The following DLG2 variants were observed in gnomAD, a reference collection of about 807,000 sequenced individuals.
DLG2 encodes discs large MAGUK scaffold protein 2, also known as disks large homolog 2.
In DLG2, 45 loss-of-function variants were observed where a neutral mutation model predicts 132.5. The ratio of observed to expected loss-of-function variants is 0.34; its 90% CI spans 0.27 to 0.44. DLG2 has a LOEUF of 0.44. Among genes scored for constraint, DLG2 ranks in the 20% least tolerant of loss-of-function variants. The pLI is 1.00. For synonymous variants in DLG2, 424 were observed against 419.6 expected (o/e 1.01, Z -0.13); for missense variants, 1,045 against 1,196.9 (o/e 0.87, Z 1.87).
intron 19 of DLG2, among the ~76,000 whole-genome samples, chr11:83,572,771 T>C (rs930972399): frequency 3.3e-5 from 5 of 152,190 alleles, no homozygotes; most frequent in African/African-American, 1.2e-4. Flanking sequence ...CACTCTTTGT[T>C]GGATGGGTCT....
At chr11:84,763,180 C>T (rs909818330) in intron 6 of DLG2, 45 of 152,104 alleles carry the variant, frequency 3.0e-4, no homozygotes, top group African/African-American at 1.1e-3. Context: ...CATAGGAGCT[C>T]GACAGCATTT....
intron 6 of DLG2, among the ~76,000 whole-genome samples, chr11:84,615,030 G>C (rs2099601476): frequency 4.6e-5 from 7 of 152,148 alleles, no homozygotes; most frequent in Admixed American, 4.6e-4. Flanking sequence ...CCTCAGCCAA[G>C]CATTCAAGCA....
intron 3 of DLG2, among the ~76,000 whole-genome samples, chr11:85,444,965 C>G (rs1245250498): frequency 2.0e-5 from 3 of 151,778 alleles, no homozygotes; most frequent in Admixed American, 2.0e-4. Flanking sequence ...AAAATATAAC[C>G]ATGAGAATAA....
intron 6 of DLG2, among the ~76,000 whole-genome samples, chr11:84,850,716 C>A (rs925419563): frequency 2.6e-5 from 4 of 152,032 alleles, no homozygotes; most frequent in Non-Finnish European, 5.9e-5. Context: ...GCAAGATGAA[C>A]ATACAAAAAT....
At chr11:84,241,857 G>T (rs1477162204) in intron 8 of DLG2, among the ~76,000 whole-genome samples, 1 of 152,084 alleles carries the variant, frequency 6.6e-6, no homozygotes, top group Non-Finnish European at 1.5e-5. Flanking sequence ...AAATTTTTTG[G>T]TTCCACTCTC....
chr11:84,650,781 T>A (rs556856458), intron 6 of DLG2, among the ~76,000 whole-genome samples: 1 of 149,904 alleles, frequency 6.7e-6, no homozygotes, highest in Admixed American at 6.7e-5. Flanking sequence ...AGATGAACTA[T>A]ATTTTATTGT....
At chr11:84,036,136 T>C (rs183130000) in intron 11 of DLG2, among the ~76,000 whole-genome samples, 57 of 152,106 alleles carry the variant, frequency 3.7e-4, no homozygotes, top group African/African-American at 1.3e-3. Flanking sequence ...TGAGACTACC[T>C]AGGAGAAGAG....
chr11:85,225,615 C>T (rs1338226092), intron 4 of DLG2, among the ~76,000 whole-genome samples: 1 of 152,008 alleles, frequency 6.6e-6, no homozygotes, highest in East Asian at 1.9e-4. Context: ...GACTTCTGCC[C>T]TCCATACTAT....
chr11:83,886,045 G>A (rs61900053), intron 15 of DLG2, among the ~76,000 whole-genome samples: 13,870 of 152,164 alleles, frequency 0.091, 790 homozygotes, highest in Middle Eastern at 0.19. Flanking sequence ...ATCAACTAAC[G>A]ACCAAAATAA....
chr11:84,063,392 C>G (rs2154135498), intron 10 of DLG2, among the ~76,000 whole-genome samples: 1 of 152,290 alleles, frequency 6.6e-6, no homozygotes, highest in South Asian at 2.1e-4. Flanking sequence ...TTCAAAGAGT[C>G]ACATCTAAAT....
intron 6 of DLG2, among the ~76,000 whole-genome samples, chr11:84,826,955 C>A (rs932566393): frequency 6.6e-6 from 1 of 151,770 alleles, no homozygotes; most frequent in Non-Finnish European, 1.5e-5. Flanking sequence ...GACTTTCTAA[C>A]AAGGTTTTTC....
intron 18 of DLG2, among the ~76,000 whole-genome samples, chr11:83,685,934 C>G (rs1347498214): frequency 1.3e-5 from 2 of 152,032 alleles, no homozygotes; most frequent in Admixed American, 1.3e-4. Flanking sequence ...TCTTGACTCT[C>G]CTTTTTATCT....
At chr11:84,921,869 A>G (rs1219369682) in intron 6 of DLG2, among the ~76,000 whole-genome samples, 2 of 152,178 alleles carry the variant, frequency 1.3e-5, no homozygotes, top group East Asian at 1.9e-4. Flanking sequence ...TACTGTCTAC[A>G]TCTTATACAT....
chr11:85,204,168 A>G (rs1271969898), intron 4 of DLG2, among the ~76,000 whole-genome samples: 1 of 152,160 alleles, frequency 6.6e-6, no homozygotes, highest in Non-Finnish European at 1.5e-5. Flanking sequence ...TCAATATAGT[A>G]GTAGACGTCC....
chr11:84,044,719 T>G (rs1441234586), intron 11 of DLG2, among the ~76,000 whole-genome samples: 11 of 151,774 alleles, frequency 7.2e-5, no homozygotes, highest in African/African-American at 2.7e-4. Flanking sequence ...GCATAGCTAC[T>G]CACTTTACCC....
chr11:84,140,119 A>T (rs2094778319), intron 9 of DLG2, among the ~76,000 whole-genome samples: 1 of 152,120 alleles, frequency 6.6e-6, no homozygotes, highest in African/African-American at 2.4e-5. Context: ...AAAACAAAAA[A>T]ACCACAGTCA....
chr11:84,277,624 G>A (rs1011502660), intron 7 of DLG2, among the ~76,000 whole-genome samples: 3 of 152,056 alleles, frequency 2.0e-5, no homozygotes, highest in Admixed American at 1.3e-4. Flanking sequence ...AAAGAAGGTA[G>A]TGTCAAATTA....
chr11:83,927,825 A>G (rs2079264555), intron 15 of DLG2, among the ~76,000 whole-genome samples: 1 of 152,164 alleles, frequency 6.6e-6, no homozygotes, highest in Non-Finnish European at 1.5e-5. Flanking sequence ...AAATAGAAGT[A>G]AAGAAAAGTG....
intron 4 of DLG2, among the ~76,000 whole-genome samples, chr11:85,227,148 G>A (rs1290519175): frequency 2.0e-5 from 3 of 152,024 alleles, no homozygotes; most frequent in Non-Finnish European, 4.4e-5. Flanking sequence ...ATCTATGAAA[G>A]GAAGATTGCT....
Sources: gnomAD v4.1 joint callset for allele counts (sites outside exome capture counted in the v4.1 genomes callset) on GRCh38, gnomAD v4.1.1 for gene constraint, MANE v1.5 for transcripts, NCBI Gene and HGNC (gene_info 2026-07-23, HGNC 2026-07-21) for gene names.